Variants in DIP2A observed in about 807,000 individuals in gnomAD.
DIP2A encodes the protein DIP2 acetate--CoA ligase A.
DIP2A carries 85 observed loss-of-function variants against 177.4 expected under a neutral mutation model. That is an observed-to-expected ratio of 0.48 (90% CI 0.40 to 0.57). The LOEUF is 0.57. DIP2A is among the 20% of genes least tolerant of loss of function. The probability of loss-of-function intolerance (pLI) is 0.00; values close to 1 mark genes in which losing one functional copy is unlikely to be tolerated. For synonymous variants in DIP2A, 886 were observed against 881.8 expected (o/e 1.00, Z -0.08); for missense variants, 1,791 against 2,100.2 (o/e 0.85, Z 2.88).
chr21:46,542,034 C>T (rs944806626), intron 18 of DIP2A, 139 bp downstream of exon 18: 15 of 976,388 alleles, frequency 1.5e-5, no homozygotes, highest in African/African-American at 1.3e-4. Flanking sequence ...CTGCATCCTC[C>T]GCCTCCCAGG....
At chr21:46,554,786 GCC>G in intron 27 of DIP2A, 34 bp from the exon 28 acceptor site, 2 of 1,519,102 alleles carry the variant, frequency 1.3e-6, no homozygotes, top group Middle Eastern at 2.3e-4. Context: ...AGCTTGAGAG[GCC>G]CCGCCCACCC....
intron 8 of DIP2A, chr21:46,525,701 T>C (rs935127213): frequency 3.3e-5 from 5 of 152,086 alleles, no homozygotes; most frequent in African/African-American, 4.8e-5. Flanking sequence ...TGACACACTT[T>C]TGTGAAATGT....
intron 25 of DIP2A, chr21:46,553,824 G>C: frequency 5.3e-6 from 1 of 187,918 alleles, no homozygotes; most frequent in South Asian, 1.1e-4. Flanking sequence ...ATACTTGCAT[G>C]CCTGTCCCTT....
chr21:46,565,755 G>A lies in DIP2A; in HGVS notation c.4207G>A (p.Val1403Ile), dbSNP rs370497841. 21 of 1,613,840 alleles carry A rather than the reference G, an allele frequency of 1.3e-5. No homozygotes were observed. The African/African-American group carries it at 1.6e-4, about 12-fold the overall frequency. ...SPHNATGYYTVYGEEALHADH... is the reference protein window; with the variant it reads ...SPHNATGYYTIYGEEALHADH... The stretch of plus-strand genomic sequence containing the variant: ...CCACAATGCCACCGGGTACTACACC[G>A]TTTACGGGGAGGAGGCGCTTCATGC... Residue 1403 changes from valine to isoleucine, a missense_variant, in exon 36 of 38, where the codon GTT (valine) becomes ATT (isoleucine). Coordinates refer to ENST00000417564, the MANE Select transcript of DIP2A (RefSeq NM_015151.4).
chr21:46,464,060 A>T (rs1263534116), intron 1 of DIP2A, among the ~76,000 whole-genome samples: 1 of 151,754 alleles, frequency 6.6e-6, no homozygotes. Flanking sequence ...GTGTTAATAA[A>T]CATTTGTTGT....
intron 1 of DIP2A, 81 bp from the exon 2 acceptor site, chr21:46,484,676 T>C: frequency 7.9e-7 from 1 of 1,262,260 alleles, no homozygotes. Context: ...GTTTCCAGTT[T>C]TTCAATCATA....
downstream of DIP2A, among the ~76,000 whole-genome samples, chr21:46,571,313 C>G (rs188555443): frequency 6.6e-6 from 1 of 152,250 alleles, no homozygotes; most frequent in Admixed American, 6.5e-5. Context: ...GTCGCTGGTG[C>G]CAAAAAGGTT....
chr21:46,485,798 C>T (rs1041122053), intron 2 of DIP2A, among the ~76,000 whole-genome samples: 10 of 151,934 alleles, frequency 6.6e-5, no homozygotes, highest in Non-Finnish European at 1.2e-4. Flanking sequence ...AGAGGCCAGG[C>T]GCGGTGGCTC....
At chr21:46,518,546 A>G (rs9981212) in intron 8 of DIP2A, among the ~76,000 whole-genome samples, 1 of 152,048 alleles carries the variant, frequency 6.6e-6, no homozygotes, top group African/African-American at 2.4e-5. Flanking sequence ...TACCCCTTGA[A>G]TCTTTTACAC....
In DIP2A at chr21:46,539,086, A is replaced by G. The variant is rs9637224; in HGVS notation, c.1921+484A>G. ...CCTGACCACGTAGGGCCTCCTGCGT[A>G]CGGTGGTCTGAATGGGAACTGCTTT... On this transcript the variant is annotated intron_variant, in intron 16 of 37. Coordinates refer to ENST00000417564, the MANE Select transcript of DIP2A (RefSeq NM_015151.4). The G allele has an allele frequency of 1.0e-3, 174 of 167,420 alleles. 1 individual carries two copies. The highest frequency in any genetic ancestry group is 3.2e-3 in the African/African-American group (131 of 41,412). 10.4% of individuals were successfully genotyped at this position (167,420 alleles called of 1,614,324 possible). A position where few individuals can be genotyped will look rare whatever the true frequency, so the allele number is the denominator to read the frequency against.
At chr21:46,578,512 AG>A in the DIP2A span, among the ~76,000 whole-genome samples, 2 of 152,126 alleles carry the variant, frequency 1.3e-5, no homozygotes, top group East Asian at 3.9e-4. Flanking sequence ...GAGTGGTGAG[AG>A]GGGGCATCCT....
At chr21:46,538,625 C>G in intron 16 of DIP2A, 23 bp downstream of exon 16, 4 of 1,544,952 alleles carry the variant, frequency 2.6e-6, no homozygotes, top group Non-Finnish European at 2.6e-6. Context: ...GTGTGCCCGG[C>G]GCATACCCCA....
chr21:46,495,244 TTCTC>T (rs371550332), intron 3 of DIP2A, among the ~76,000 whole-genome samples: 1,191 of 37,930 alleles, frequency 0.031, 46 homozygotes, highest in African/African-American at 0.041. Context: ...CTTCTCTTCT[TTCTC>T]TCTCTCTCTC....
At chr21:46,466,799 CA>C (rs71318080) in intron 1 of DIP2A, among the ~76,000 whole-genome samples, 99,952 of 151,658 alleles carry the variant, frequency 0.66, 33,812 homozygotes, top group East Asian at 0.79. Context: ...AGACTTCAAC[CA>C]AAAAAACCAC....
Position 46,495,937 on chromosome 21 carries a change from T to TG in DIP2A, c.284-1045dup, listed in dbSNP as rs1172533563. On this transcript the variant is annotated intron_variant, in intron 3 of 37. Transcript: ENST00000417564. ...AAATATAAAAATTAGCCGGGCGTGG[T>TG]GGGGGGTGCCTGTAATCCCAGCTCC... Among the ~76,000 whole-genome samples, 10 of 151,778 alleles carry TG rather than the reference T, an allele frequency of 6.6e-5. No individual in the cohort carries two copies. In the East Asian group the frequency reaches 7.9e-4, roughly 12 times the overall value.
At chr21:46,565,165 G>A (rs144270033) in intron 35 of DIP2A, among the ~76,000 whole-genome samples, 13 of 152,290 alleles carry the variant, frequency 8.5e-5, no homozygotes, top group South Asian at 6.2e-4. Context: ...AAATGCTTAC[G>A]TGTGTAGATA....
At chr21:46,554,768 T>C in intron 27 of DIP2A, 54 bp from the exon 28 acceptor site, 4 of 1,544,424 alleles carry the variant, frequency 2.6e-6, no homozygotes, top group Non-Finnish European at 3.5e-6. Context: ...CTGCCCCCTT[T>C]TCTGGGCAGC....
rs763412486 is a variant in DIP2A, at chr21:46,511,371, G to A, written c.905-46G>A. ...GAATGCTTAAAAACAGAATGTGTTC[G>A]TGGTGCTCTGAATTGCTGATTTTAA... On this transcript the variant is annotated intron_variant, in intron 7 of 37. Transcript: ENST00000417564. 16 of 1,531,322 alleles carry A rather than the reference G, an allele frequency of 1.0e-5. No individual in the cohort carries two copies. The East Asian group carries it at 1.2e-4, about 12-fold the overall frequency. 94.9% of individuals were successfully genotyped at this position (1,531,322 alleles called of 1,614,324 possible). A position where few individuals can be genotyped will look rare whatever the true frequency, so the allele number is the denominator to read the frequency against.
chr21:46,471,480 T>C (rs1052638706), intron 1 of DIP2A, among the ~76,000 whole-genome samples: 1 of 152,252 alleles, frequency 6.6e-6, no homozygotes, highest in East Asian at 1.9e-4. Flanking sequence ...TAATTTTTGC[T>C]GTGCAGTGAG....
Sources: allele counts gnomAD v4.1 joint callset (sites outside exome capture counted in the v4.1 genomes callset), GRCh38; gene constraint gnomAD v4.1.1; transcripts MANE v1.5; gene names NCBI Gene and HGNC (gene_info 2026-07-23, HGNC 2026-07-21).